RB1: variants seen among roughly 807,000 people sequenced by gnomAD.
RB1 encodes the protein retinoblastoma-associated protein.
RB1 carries 18 observed loss-of-function variants against 135.4 expected under a neutral mutation model. The ratio of observed to expected loss-of-function variants is 0.13; its 90% confidence interval spans 0.09 to 0.20. RB1 has a LOEUF of 0.20. RB1 is among the 10% of genes least tolerant of loss of function. The pLI, the probability that RB1 is intolerant of heterozygous loss-of-function variation, is 1.00. For synonymous variants in RB1, 365 were observed against 373.2 expected, an observed-to-expected ratio of 0.98 and a Z score of 0.25; for missense variants, 868 against 1,110.0, an observed-to-expected ratio of 0.78 and a Z score of 3.10.
At chr13:48,367,347 C>T in intron 9 of RB1, 147 bp from the exon 10 acceptor site, 1 of 801,130 alleles carries the variant, frequency 1.2e-6, no homozygotes, top group Non-Finnish European at 1.8e-6. Context: ...TTTAGATAGA[C>T]CTTATTTATA....
At chr13:48,338,270 G>C (rs1952403865) in intron 2 of RB1, among the ~76,000 whole-genome samples, 1 of 152,176 alleles carries the variant, frequency 6.6e-6, no homozygotes, top group African/African-American at 2.4e-5. Flanking sequence ...ATCCTGCAGA[G>C]TGTTTTCCAA....
chr13:48,307,601 TC>T (rs1952093432), intron 2 of RB1, among the ~76,000 whole-genome samples, 195 bp downstream of exon 2: 2 of 151,412 alleles, frequency 1.3e-5, no homozygotes, highest in African/African-American at 4.9e-5. Context: ...ATGCCTGTAA[TC>T]CTACCACTTT....
intron 2 of RB1, among the ~76,000 whole-genome samples, chr13:48,316,528 C>T (rs1350536567): frequency 3.9e-5 from 6 of 151,938 alleles, no homozygotes; most frequent in Non-Finnish European, 8.8e-5. Context: ...TTAGGAACAC[C>T]CTACAAAATT....
At chr13:48,367,087 C>G (rs1051749965) in intron 9 of RB1, among the ~76,000 whole-genome samples, 5 of 138,846 alleles carry the variant, frequency 3.6e-5, no homozygotes, top group African/African-American at 1.3e-4. Context: ...CCACTGCACT[C>G]CAGCCTGGGC....
intron 1 of RB1, among the ~76,000 whole-genome samples, chr13:48,305,972 G>A (rs1331421312): frequency 6.6e-6 from 1 of 152,198 alleles, no homozygotes; most frequent in African/African-American, 2.4e-5. Flanking sequence ...AATAATCAAA[G>A]GTTAATCATG....
At chr13:48,430,411 C>A (rs1949117004) in intron 17 of RB1, among the ~76,000 whole-genome samples, 1 of 152,008 alleles carries the variant, frequency 6.6e-6, no homozygotes, top group African/African-American at 2.4e-5. Flanking sequence ...AAAATGACTC[C>A]ATATAAGTTC....
chr13:48,418,054 A>G lies in RB1; in HGVS notation c.1696-34939A>G, dbSNP rs1351091408. Among the ~76,000 whole-genome samples the G allele has an allele frequency of 5.9e-5, 9 of 152,318 alleles. No individual in the cohort carries two copies. The East Asian group carries it at 1.7e-3, about 29-fold the overall frequency. On this transcript the variant is annotated intron_variant, in intron 17 of 26. Coordinates refer to ENST00000267163, the MANE Select transcript of RB1 (RefSeq NM_000321.3). ...AACACCACAAAGATACTCCTCAAGA[A>G]GAGCAACCCCAAGACACATAATCGT... is the stretch of plus-strand genomic sequence containing the variant.
intron 13 of RB1, 128 bp from the exon 14 acceptor site, chr13:48,379,466 C>T: frequency 8.0e-7 from 1 of 1,242,874 alleles, no homozygotes. Context: ...AGGAGGATCT[C>T]TTGAGCCCAG....
chr13:48,382,312 C>A (rs1334887607), intron 17 of RB1, among the ~76,000 whole-genome samples: 1 of 152,176 alleles, frequency 6.6e-6, no homozygotes, highest in African/African-American at 2.4e-5. Context: ...ACAGTCCCAC[C>A]AACAGTGTAA....
rs576147971 is a variant in RB1 at position 48,362,916 on chromosome 13, A to T, written c.820A>T (p.Ile274Phe). The part of the protein sequence containing the change: ...AKQLENDTRI[I>F]EVLCKEHECN... Reference sequence around the variant, plus strand: ...ACAACTAGAAAATGATACAAGAATTATTGAAGTTCTCTGTAAAGAACATGA... The same window carrying T: ...ACAACTAGAAAATGATACAAGAATTTTTGAAGTTCTCTGTAAAGAACATGA... The change falls in exon 8 of 27, where the codon ATT becomes TTT. Residue 274 changes from isoleucine (I) to phenylalanine (F), a missense_variant. Physicochemically the swap from Ile to Phe is conservative, Grantham distance 21. This residue lies in a region of RB1 where 641 missense variants were observed against 791.3 expected (regional missense o/e 0.81). Transcript: ENST00000267163. 1 of 1,613,894 alleles carries T rather than the reference A, an allele frequency of 6.2e-7. No individual in the cohort carries two copies.
chr13:48,352,552 C>T (rs960135704), intron 6 of RB1, among the ~76,000 whole-genome samples: 4 of 151,886 alleles, frequency 2.6e-5, no homozygotes, highest in African/African-American at 9.7e-5. Flanking sequence ...TTTTGAAATT[C>T]TTGTTGTAGA....
intron 17 of RB1, among the ~76,000 whole-genome samples, chr13:48,387,801 C>T (rs1948582222): frequency 6.6e-6 from 1 of 151,676 alleles, no homozygotes. Context: ...TAGATTTAAC[C>T]CACACAAACA....
intron 17 of RB1, chr13:48,411,633 G>A (rs1349678844): frequency 6.2e-7 from 1 of 1,611,736 alleles, no homozygotes; most frequent in Non-Finnish European, 8.5e-7. Context: ...TGCCACTACT[G>A]AGCAATTAAC....
intron 6 of RB1, among the ~76,000 whole-genome samples, chr13:48,352,423 C>T (rs1952556304): frequency 6.6e-6 from 1 of 151,120 alleles, no homozygotes; most frequent in Non-Finnish European, 1.5e-5. Context: ...TAGGAATAGC[C>T]TTGAATCTGT....
chr13:48,318,219 TTG>T (rs1952202783), intron 2 of RB1: 1 of 632,480 alleles, frequency 1.6e-6, no homozygotes, highest in Non-Finnish European at 2.7e-6. Flanking sequence ...GCTGTCTCTC[TTG>T]GACTTGGAGA....
At position 48,453,004 on chromosome 13, in the gene RB1, A is replaced by G. The variant is rs3092895; in HGVS notation, c.1707A>G (p.Leu569=). Residue 569 remains leucine, a synonymous_variant, in exon 18 of 27, where the codon TTA becomes TTG. Transcript: ENST00000267163. ...ESLAWLSDSP[L]FDLIKQSKDR... is the part of the protein sequence containing the mutation. ...CATGTTTCATATAGGATTCACCTTT[A>G]TTTGATCTTATTAAACAATCAAAGG... 5.4e-4 allele frequency: 872 copies of G among 1,612,770 alleles called. 6 individuals are homozygous for G. Among genetic ancestry groups the G allele is most frequent in the South Asian group, 2.2e-3 (201 of 91,070 alleles).
rs1949510627 is a variant in RB1 at position 48,477,401 on chromosome 13, A to G, written c.2710A>G (p.Met904Val). ...CAAATTTCAGCAGAAACTGGCAGAA[A>G]TGAGTAAGTACTTTTTTCACCTTGT... Reference protein sequence around the residue: ...ESKFQQKLAEMTSTRTRMQKQ... With the variant: ...ESKFQQKLAEVTSTRTRMQKQ... Residue 904 changes from methionine to valine, a missense_variant, in exon 26 of 27, where the codon ATG becomes GTG. Physicochemically the swap from Met to Val is conservative, Grantham distance 21. Coordinates refer to ENST00000267163, the MANE Select transcript of RB1 (RefSeq NM_000321.3). The G allele has an allele frequency of 6.2e-7, 1 of 1,605,198 alleles. No homozygotes were observed.
intron 17 of RB1, among the ~76,000 whole-genome samples, chr13:48,405,015 T>A (rs928093807): frequency 1.4e-4 from 21 of 152,158 alleles, no homozygotes; most frequent in African/African-American, 5.1e-4. Context: ...TCAGAATGTT[T>A]ATCTTTTGAC....
At chr13:48,313,515 G>T (rs1169868211) in intron 2 of RB1, among the ~76,000 whole-genome samples, 1 of 149,380 alleles carries the variant, frequency 6.7e-6, no homozygotes, top group Non-Finnish European at 1.5e-5. Context: ...GTCAGTCTTG[G>T]GTTTTTTTTT....
Sources: gnomAD v4.1 joint callset for allele counts (sites outside exome capture counted in the v4.1 genomes callset) on GRCh38, gnomAD v4.1.1 for gene constraint, gnomAD v4.1.1 regional missense constraint, MANE v1.5 for transcripts, NCBI Gene and HGNC (gene_info 2026-07-23, HGNC 2026-07-21) for gene names.